MCTP1: variants seen among roughly 807,000 people sequenced by gnomAD.
MCTP1 encodes the protein multiple C2 and transmembrane domain containing 1.
MCTP1 carries 69 observed loss-of-function variants against 120.6 expected under a neutral mutation model. That is an observed-to-expected ratio of 0.57 (90% CI 0.47 to 0.70). The LOEUF (loss-of-function observed/expected upper bound fraction) is 0.70, where lower values mean the gene tolerates loss of function less well. MCTP1 is among the 30% of genes least tolerant of loss of function. The probability of loss-of-function intolerance (pLI) is 0.00; values close to 1 mark genes in which losing one functional copy is unlikely to be tolerated. For missense variants in MCTP1, 1,203 were observed against 1,248.8 expected, an observed-to-expected ratio of 0.96 and a Z score of 0.55; for synonymous variants, 529 against 493.1, an observed-to-expected ratio of 1.07 and a Z score of -0.96.
At chr5:94,759,670 A>C (rs1374490187) in intron 19 of MCTP1, among the ~76,000 whole-genome samples, 1 of 152,172 alleles carries the variant, frequency 6.6e-6, no homozygotes, top group Non-Finnish European at 1.5e-5. Context: ...TGATTATGAA[A>C]GAGAAACACA....
chr5:94,866,428 A>G (rs1796802355), intron 17 of MCTP1, among the ~76,000 whole-genome samples: 1 of 151,758 alleles, frequency 6.6e-6, no homozygotes, highest in Admixed American at 6.6e-5. Context: ...AACACAGGTA[A>G]TATTATGGGT....
chr5:95,163,983 C>CT (rs2152481279), intron 1 of MCTP1, among the ~76,000 whole-genome samples: 1 of 152,254 alleles, frequency 6.6e-6, no homozygotes, highest in South Asian at 2.1e-4. Context: ...TGCCAATCAA[C>CT]TTTTATTTTC....
At chr5:95,272,011 C>A (rs542724689) in intron 1 of MCTP1, among the ~76,000 whole-genome samples, 1 of 152,138 alleles carries the variant, frequency 6.6e-6, no homozygotes, top group Admixed American at 6.5e-5. Context: ...AAATGTAATA[C>A]TATTACTTTA....
At chr5:95,079,980 G>A (rs1463871683) in intron 1 of MCTP1, among the ~76,000 whole-genome samples, 1 of 152,122 alleles carries the variant, frequency 6.6e-6, no homozygotes, top group African/African-American at 2.4e-5. Flanking sequence ...AAAGAGTACA[G>A]TTATATAAAT....
chr5:94,799,227 A>C, intron 17 of MCTP1, 95 bp from the exon 18 acceptor site: 1 of 1,119,444 alleles, frequency 8.9e-7, no homozygotes, highest in Non-Finnish European at 1.3e-6. Flanking sequence ...CACAAAACCA[A>C]ATGCTTCAGA....
chr5:95,258,334 G>A (rs921563135), intron 1 of MCTP1, among the ~76,000 whole-genome samples: 2 of 152,158 alleles, frequency 1.3e-5, no homozygotes, highest in African/African-American at 4.8e-5. Context: ...CATGACTCCA[G>A]TCTAATCGTG....
intron 2 of MCTP1, among the ~76,000 whole-genome samples, chr5:94,974,191 T>C (rs1224509692): frequency 6.6e-6 from 1 of 152,130 alleles, no homozygotes; most frequent in East Asian, 1.9e-4. Flanking sequence ...ATTTCATATG[T>C]GGAATGATTT....
At chr5:95,001,045 G>A (rs1197892466) in intron 2 of MCTP1, among the ~76,000 whole-genome samples, 1 of 152,204 alleles carries the variant, frequency 6.6e-6, no homozygotes, top group African/African-American at 2.4e-5. Context: ...TCACGATAGT[G>A]AGTGAGTTCT....
intron 1 of MCTP1, chr5:95,081,479 G>A (rs1195037168): frequency 5.6e-6 from 9 of 1,611,346 alleles, no homozygotes; most frequent in Non-Finnish European, 7.6e-6. Flanking sequence ...CAGCTGTCTA[G>A]CATAGTTGAT....
chr5:94,885,067 CT>C (rs1800959793), intron 12 of MCTP1, among the ~76,000 whole-genome samples: 1 of 152,150 alleles, frequency 6.6e-6, no homozygotes, highest in South Asian at 2.1e-4. Flanking sequence ...GTAAAATTCT[CT>C]CTCTCTCCCC....
chr5:95,154,981 G>A (rs567519526), intron 1 of MCTP1, among the ~76,000 whole-genome samples: 1 of 152,182 alleles, frequency 6.6e-6, no homozygotes, highest in South Asian at 2.1e-4. Flanking sequence ...GCACGGTTTA[G>A]ACACTATGCT....
At chr5:95,193,001 G>T (rs1749989793) in intron 1 of MCTP1, among the ~76,000 whole-genome samples, 1 of 152,140 alleles carries the variant, frequency 6.6e-6, no homozygotes, top group Admixed American at 6.5e-5. Flanking sequence ...CATTGCACCT[G>T]CCATGTAGTT....
At chr5:95,243,245 T>C (rs1222512748) in intron 1 of MCTP1, among the ~76,000 whole-genome samples, 1 of 152,136 alleles carries the variant, frequency 6.6e-6, no homozygotes, top group East Asian at 1.9e-4. Flanking sequence ...AATATAAAAT[T>C]GGAAAAATAT....
chr5:95,249,486 A>G (rs2152695080), intron 1 of MCTP1, among the ~76,000 whole-genome samples: 1 of 152,312 alleles, frequency 6.6e-6, no homozygotes, highest in African/African-American at 2.4e-5. Context: ...TAGAATGGCG[A>G]TCATTAAAAA....
intron 2 of MCTP1, among the ~76,000 whole-genome samples, chr5:94,997,543 T>C (rs1017974374): frequency 2.0e-5 from 3 of 152,204 alleles, no homozygotes; most frequent in African/African-American, 7.2e-5. Context: ...AAATGTGTTA[T>C]GCTTTCCCCT....
At chr5:95,106,293 A>C (rs1757078282) in intron 1 of MCTP1, among the ~76,000 whole-genome samples, 1 of 152,192 alleles carries the variant, frequency 6.6e-6, no homozygotes, top group African/African-American at 2.4e-5. Context: ...TGCTGAAGCT[A>C]TTTGCAGAGA....
At chr5:95,239,225 A>T (rs1328098408) in intron 1 of MCTP1, among the ~76,000 whole-genome samples, 1 of 152,176 alleles carries the variant, frequency 6.6e-6, no homozygotes, top group Non-Finnish European at 1.5e-5. Context: ...GACGCGCAGA[A>T]ACAGAATAGG....
chr5:95,107,152 A>C (rs947446759), intron 1 of MCTP1, among the ~76,000 whole-genome samples: 1 of 152,234 alleles, frequency 6.6e-6, no homozygotes, highest in African/African-American at 2.4e-5. Context: ...ATAATTTAGG[A>C]GTTCATTTAA....
In MCTP1 at chr5:94,912,466, A is replaced by AAAAAAAAAAG. The variant is rs1211529200; in HGVS notation, c.1521+339_1521+340insCTTTTTTTTT. On this transcript the variant is annotated intron_variant, in intron 9 of 22. Transcript: ENST00000515393. Reference sequence around the variant, plus strand: ...AAAAAAAAAAAAAAAAAAAAAAAAAAGCCGCACTCTGAGTACTTTATGTGC... The same window carrying AAAAAAAAAAG: ...AAAAAAAAAAAAAAAAAAAAAAAAAAAAAAAAAAAGGCCGCACTCTGAGTACTTTATGTGC... Among the ~76,000 whole-genome samples, 45 of 92,100 alleles carry AAAAAAAAAAG rather than the reference A, an allele frequency of 4.9e-4. 9 individuals are homozygous for AAAAAAAAAAG. Among genetic ancestry groups the AAAAAAAAAAG allele is most frequent in the African/African-American group, 7.1e-4 (19 of 26,774 alleles). 60.4% of individuals were successfully genotyped at this position (92,100 alleles called of 152,430 possible).
Sources: gnomAD v4.1 joint callset for allele counts (sites outside exome capture counted in the v4.1 genomes callset) on GRCh38, gnomAD v4.1.1 for gene constraint, MANE v1.5 for transcripts, NCBI Gene and HGNC (gene_info 2026-07-23, HGNC 2026-07-21) for gene names.